The following SPAG9 variants were observed in gnomAD, a reference collection of about 807,000 sequenced individuals.
SPAG9 encodes the protein sperm associated antigen 9.
Under a neutral mutation model 166.5 loss-of-function variants are expected in SPAG9, and 35 were observed. The observed-to-expected ratio is 0.21, with a 90% CI of 0.16 to 0.28. The LOEUF is 0.28. Among genes scored for constraint, SPAG9 ranks in the 10% least tolerant of loss-of-function variants. SPAG9 has a pLI of 1.00. For synonymous variants in SPAG9, 534 were observed against 565.5 expected (o/e 0.94, Z 0.79); for missense variants, 1,235 against 1,603.3 (o/e 0.77, Z 3.92).
At chr17:51,089,663 T>TATATAC (rs1403230293) in intron 1 of SPAG9, among the ~76,000 whole-genome samples, 33 of 78,272 alleles carry the variant, frequency 4.2e-4, no homozygotes, top group Middle Eastern at 7.0e-3. Flanking sequence ...TATATATATA[T>TATATAC]ACACATACAC....
chr17:51,105,193 T>TG (rs2048915112), intron 1 of SPAG9, among the ~76,000 whole-genome samples: 1 of 152,190 alleles, frequency 6.6e-6, no homozygotes, highest in South Asian at 2.1e-4. Flanking sequence ...ATTGAACCCC[T>TG]GGGAATAGAA....
chr17:50,984,457 C>A (rs1184013872), intron 24 of SPAG9, among the ~76,000 whole-genome samples: 1 of 152,140 alleles, frequency 6.6e-6, no homozygotes, highest in Admixed American at 6.5e-5. Flanking sequence ...GAAGCCAAAG[C>A]GGGCAGATCA....
At chr17:51,064,977 G>C (rs1385459360) in intron 2 of SPAG9, among the ~76,000 whole-genome samples, 1 of 152,006 alleles carries the variant, frequency 6.6e-6, no homozygotes, top group African/African-American at 2.4e-5. Context: ...CAAAAAATTA[G>C]CTGGGCATGG....
In SPAG9 at chr17:51,045,387, A is replaced by G. The variant is rs188482314; in HGVS notation, c.590+1988T>C. Among the ~76,000 whole-genome samples, 61 of 152,326 alleles carry G rather than the reference A, an allele frequency of 4.0e-4. No homozygotes were observed. In the East Asian group the frequency reaches 8.7e-3, roughly 22 times the overall value. On this transcript the variant is annotated intron_variant, in intron 4 of 29. Transcript: ENST00000262013. ...TATTTTATGTACTAATATATATACA[A>G]GTAGTAAGATTATTCCCAATTTTTA...
chr17:50,994,419 C>G (rs1272042087), intron 18 of SPAG9, among the ~76,000 whole-genome samples: 1 of 152,106 alleles, frequency 6.6e-6, no homozygotes, highest in Non-Finnish European at 1.5e-5. Flanking sequence ...TGAATATAGA[C>G]TAATACAACC....
chr17:50,982,977 T>G (rs1330120100), intron 24 of SPAG9, among the ~76,000 whole-genome samples: 1 of 152,230 alleles, frequency 6.6e-6, no homozygotes, highest in Admixed American at 6.5e-5. Context: ...CATAATATTT[T>G]TCGAATTAGA....
At position 50,964,818 on chromosome 17, in the gene SPAG9, T is replaced by A. The variant is rs1249612712; in HGVS notation, c.*1454A>T. 2.6e-6 allele frequency: 1 copy of A among 378,242 alleles called. No individual in the cohort carries two copies. Among genetic ancestry groups the A allele is most frequent in the Admixed American group, 2.9e-5 (1 of 34,738 alleles). 23.4% of individuals were successfully genotyped at this position (378,242 alleles called of 1,614,324 possible). A position where few individuals can be genotyped will look rare whatever the true frequency, so the allele number is the denominator to read the frequency against. The stretch of plus-strand genomic sequence containing the variant: ...CCCAGGCTGGAGTGCAGTGGTGCTA[T>A]CAAGGCTCACTGCAACCTCCACCTC... On this transcript the variant is annotated 3_prime_UTR_variant, in exon 30 of 30. Coordinates refer to ENST00000262013, the MANE Select transcript of SPAG9 (RefSeq NM_001130528.3).
Position 51,113,690 on chromosome 17 carries a change from A to C in SPAG9, c.303+6664T>G, listed in dbSNP as rs559380511. 6.3e-4 allele frequency among the ~76,000 whole-genome samples: 96 copies of C among 151,452 alleles called. 4 individuals carry two copies. In the South Asian group the frequency reaches 0.019, roughly 31 times the overall value. ...GCAAGACCCCATCTCAAAAAAAAAA[A>C]AAACAACAACAACAAAAGAAAATAG... On this transcript the variant is annotated intron_variant, in intron 1 of 29. Transcript: ENST00000262013.
intron 2 of SPAG9, among the ~76,000 whole-genome samples, chr17:51,077,013 G>GCTATCTAT (rs1491314541): frequency 6.5e-4 from 41 of 62,892 alleles, no homozygotes; most frequent in Non-Finnish European, 1.1e-3. Context: ...TAGCTAGCTA[G>GCTATCTAT]CTAGCTATCT....
chr17:50,993,342 A>T (rs8069711), intron 19 of SPAG9, among the ~76,000 whole-genome samples: 86,379 of 146,202 alleles, frequency 0.59, 26,311 homozygotes, highest in African/African-American at 0.71. Flanking sequence ...AAAAAGTAGA[A>T]CTCATATTAA....
intron 12 of SPAG9, among the ~76,000 whole-genome samples, chr17:51,002,213 C>T (rs887435002): frequency 2.6e-5 from 4 of 152,026 alleles, no homozygotes; most frequent in East Asian, 1.9e-4. Flanking sequence ...GACAGGGTCT[C>T]GTTATGTTGC....
At chr17:51,095,233 T>C (rs2048577791) in intron 1 of SPAG9, among the ~76,000 whole-genome samples, 1 of 146,620 alleles carries the variant, frequency 6.8e-6, no homozygotes, top group African/African-American at 2.6e-5. Context: ...GAGATGGAGC[T>C]TGCAATGAGC....
At chr17:51,089,615 TTATTTTATATATATATATATATATA>T (rs1359045696) in intron 1 of SPAG9, among the ~76,000 whole-genome samples, 17 of 108,018 alleles carry the variant, frequency 1.6e-4, no homozygotes, top group African/African-American at 5.4e-4. Context: ...TATATACACT[TTATTTTATATATATATATATATATA>T]TATATATATA....
chr17:51,100,024 T>C (rs1231548675), intron 1 of SPAG9, among the ~76,000 whole-genome samples: 4 of 151,998 alleles, frequency 2.6e-5, no homozygotes, highest in African/African-American at 4.8e-5. Context: ...CACTTGAACC[T>C]GGGAGGCGGG....
chr17:51,114,610 A>G (rs2049228361), intron 1 of SPAG9, among the ~76,000 whole-genome samples: 1 of 152,216 alleles, frequency 6.6e-6, no homozygotes, highest in African/African-American at 2.4e-5. Context: ...AGCCTGGGCA[A>G]CAGAGCGTGA....
In SPAG9 at chr17:51,120,639, A is replaced by C; in HGVS notation, c.18T>G (p.Gly6=). Reference sequence around the variant, plus strand: ...CGCCGGGCTCCTCCTGATACACCACACCGTCCTCCAGCTCCATGGTGGCAA... The same window carrying C: ...CGCCGGGCTCCTCCTGATACACCACCCCGTCCTCCAGCTCCATGGTGGCAA... The part of the protein sequence containing the change: MELED[G]VVYQEEPGGS... The change falls in exon 1 of 30, where the codon GGT becomes GGG. Residue 6 remains glycine (G), a synonymous_variant. Transcript: ENST00000262013. The surrounding 1 kb of genome is among the most constrained non-coding windows in gnomAD (Gnocchi z 4.7). 6.2e-7 allele frequency: 1 copy of C among 1,606,504 alleles called. No homozygotes were observed. The highest frequency in any genetic ancestry group is 8.5e-7 in the Non-Finnish European group (1 of 1,177,188).
intron 22 of SPAG9, 75 bp from the exon 23 acceptor site, chr17:50,985,853 A>C: frequency 1.3e-6 from 1 of 798,212 alleles, no homozygotes; most frequent in Non-Finnish European, 2.0e-6. Flanking sequence ...ATGATCGCGA[A>C]GTTCATTCAG....
At chr17:51,072,010 C>A (rs1249487161) in intron 2 of SPAG9, among the ~76,000 whole-genome samples, 1 of 152,140 alleles carries the variant, frequency 6.6e-6, no homozygotes, top group Non-Finnish European at 1.5e-5. Context: ...ATCTCAGTGC[C>A]CCTAAATAAA....
chr17:51,067,647 T>A (rs983417033), intron 2 of SPAG9, among the ~76,000 whole-genome samples: 2 of 151,696 alleles, frequency 1.3e-5, no homozygotes, highest in African/African-American at 4.8e-5. Flanking sequence ...ATTCTGTTCA[T>A]CCTATCCCAA....
Sources: allele counts gnomAD v4.1 joint callset (sites outside exome capture counted in the v4.1 genomes callset), GRCh38; gene constraint gnomAD v4.1.1; non-coding constraint Gnocchi (gnomAD v3.1); transcripts MANE v1.5; gene names NCBI Gene and HGNC (gene_info 2026-07-23, HGNC 2026-07-21).